The following SCAMP1 variants were observed in gnomAD, a reference collection of about 807,000 sequenced individuals.
SCAMP1 encodes the protein secretory carrier-associated membrane protein 1.
SCAMP1 carries 15 observed loss-of-function variants against 41.8 expected under a neutral mutation model. That is an observed-to-expected ratio of 0.36 (90% confidence interval 0.24 to 0.55). SCAMP1 has a LOEUF of 0.55. Among genes scored for constraint, SCAMP1 ranks in the 20% least tolerant of loss-of-function variants. The pLI is 0.86. For missense variants in SCAMP1, 341 were observed against 412.6 expected (o/e 0.83, Z 1.50); for synonymous variants, 135 against 136.8 (o/e 0.99, Z 0.09).
chr5:78,423,113 A>G (rs1752382046), intron 6 of SCAMP1, among the ~76,000 whole-genome samples: 1 of 152,196 alleles, frequency 6.6e-6, no homozygotes, highest in African/African-American at 2.4e-5. Flanking sequence ...AGGAGATGGG[A>G]GAACATTAGG....
At chr5:78,469,803 C>T (rs1045718282) in intron 8 of SCAMP1, among the ~76,000 whole-genome samples, 3 of 146,674 alleles carry the variant, frequency 2.0e-5, no homozygotes, top group African/African-American at 7.5e-5. Flanking sequence ...GTTTGGGGGG[C>T]CGAGGCAAGA....
intron 1 of SCAMP1, among the ~76,000 whole-genome samples, chr5:78,372,971 A>G (rs1750977080): frequency 1.3e-5 from 2 of 152,126 alleles, no homozygotes; most frequent in African/African-American, 2.4e-5. Flanking sequence ...AACTATTAAT[A>G]TAAGAAACAT....
chr5:78,407,680 T>A (rs559118299), intron 2 of SCAMP1, among the ~76,000 whole-genome samples: 1 of 152,074 alleles, frequency 6.6e-6, no homozygotes, highest in Admixed American at 6.5e-5. Flanking sequence ...ACCTTCTCAA[T>A]CATCATGTCT....
Position 78,364,144 on chromosome 5 carries a change from A to G in SCAMP1, c.57+3416A>G, listed in dbSNP as rs182075964. On this transcript the variant is annotated intron_variant, in intron 1 of 8. Coordinates refer to ENST00000621999, the MANE Select transcript of SCAMP1 (RefSeq NM_004866.6). ...AAGAAGTGTCTCTGTCCTTATGGCTATTAGTCTAACAGTGAGACAAATATG... is the reference window on the plus strand; with the variant it reads ...AAGAAGTGTCTCTGTCCTTATGGCTGTTAGTCTAACAGTGAGACAAATATG... Among the ~76,000 whole-genome samples the G allele has an allele frequency of 8.4e-4, 128 of 152,356 alleles. 2 individuals carry two copies. The South Asian group carries it at 0.023, about 27-fold the overall frequency.
chr5:78,422,433 T>G (rs1752360525), intron 6 of SCAMP1, among the ~76,000 whole-genome samples: 1 of 152,176 alleles, frequency 6.6e-6, no homozygotes, highest in East Asian at 1.9e-4. Context: ...TTAGGTTTTT[T>G]CAAAGGCAGC....
At chr5:78,404,022 A>G (rs1446212985) in intron 2 of SCAMP1, among the ~76,000 whole-genome samples, 3 of 145,162 alleles carry the variant, frequency 2.1e-5, no homozygotes, top group African/African-American at 7.5e-5. Context: ...CTCAGGAGGC[A>G]GAAGGATTGC....
chr5:78,400,426 G>A (rs1282707226), intron 2 of SCAMP1, among the ~76,000 whole-genome samples: 2 of 152,158 alleles, frequency 1.3e-5, no homozygotes, highest in East Asian at 3.9e-4. Context: ...TTTTGATTGG[G>A]ATTGCGTTGA....
chr5:78,408,280 C>T (rs1407492220), intron 2 of SCAMP1, among the ~76,000 whole-genome samples: 1 of 152,108 alleles, frequency 6.6e-6, no homozygotes, highest in East Asian at 1.9e-4. Flanking sequence ...ATAAAACCAT[C>T]AGGTATCATG....
intron 2 of SCAMP1, among the ~76,000 whole-genome samples, chr5:78,391,392 G>T (rs1319025141): frequency 1.3e-5 from 2 of 151,638 alleles, no homozygotes; most frequent in African/African-American, 4.8e-5. Context: ...GGACGGGGCG[G>T]CTGGCCTGGC....
chr5:78,451,938 A>C (rs997962329), intron 7 of SCAMP1, among the ~76,000 whole-genome samples: 31 of 152,326 alleles, frequency 2.0e-4, no homozygotes, highest in African/African-American at 7.5e-4. Context: ...TACAAGCGTG[A>C]GCTACCATGT....
chr5:78,439,191 A>G (rs912232641), intron 6 of SCAMP1, among the ~76,000 whole-genome samples: 1 of 152,186 alleles, frequency 6.6e-6, no homozygotes, highest in Non-Finnish European at 1.5e-5. Flanking sequence ...GTGTCTTTCA[A>G]CTGGGGCATT....
chr5:78,451,651 T>G (rs2112211757), intron 7 of SCAMP1, among the ~76,000 whole-genome samples: 1 of 151,654 alleles, frequency 6.6e-6, no homozygotes, highest in East Asian at 1.9e-4. Context: ...TATTCTAATT[T>G]GATTGATTGA....
chr5:78,417,149 A>G (rs952099156), intron 4 of SCAMP1, among the ~76,000 whole-genome samples: 1 of 152,208 alleles, frequency 6.6e-6, no homozygotes, highest in Non-Finnish European at 1.5e-5. Context: ...AGTGAATTCT[A>G]TTAAGTTTGT....
chr5:78,473,828 G>C (rs1321355277), intron 8 of SCAMP1, among the ~76,000 whole-genome samples: 1 of 152,086 alleles, frequency 6.6e-6, no homozygotes, highest in Admixed American at 6.5e-5. Context: ...CAAGGTTTCA[G>C]CTATCATTTA....
At chr5:78,441,409 G>T (rs1026229017) in intron 6 of SCAMP1, among the ~76,000 whole-genome samples, 1 of 152,144 alleles carries the variant, frequency 6.6e-6, no homozygotes, top group Non-Finnish European at 1.5e-5. Flanking sequence ...GAGTTTAGGG[G>T]GGAAAATGAT....
chr5:78,383,421 A>G (rs1172529326), intron 1 of SCAMP1, among the ~76,000 whole-genome samples: 2 of 152,032 alleles, frequency 1.3e-5, no homozygotes, highest in Non-Finnish European at 2.9e-5. Context: ...GCTGTGCACA[A>G]GCTTTTTAGT....
intron 6 of SCAMP1, among the ~76,000 whole-genome samples, chr5:78,444,172 T>C (rs556179054): frequency 8.5e-5 from 13 of 152,324 alleles, no homozygotes; most frequent in Non-Finnish European, 1.9e-4. Context: ...TTAGACAGTT[T>C]TGGAGCCCCC....
chr5:78,431,576 C>T (rs1260180017), intron 6 of SCAMP1, among the ~76,000 whole-genome samples: 1 of 128,754 alleles, frequency 7.8e-6, no homozygotes, highest in African/African-American at 3.1e-5. Context: ...CTGTTAATGA[C>T]TGTCTTCTCC....
intron 6 of SCAMP1, among the ~76,000 whole-genome samples, chr5:78,423,110 G>A (rs1019858917): frequency 4.6e-5 from 7 of 152,018 alleles, no homozygotes; most frequent in Admixed American, 1.3e-4. Flanking sequence ...AACAGGAGAT[G>A]GGAGAACATT....
Sources: allele counts gnomAD v4.1 joint callset (sites outside exome capture counted in the v4.1 genomes callset), GRCh38; gene constraint gnomAD v4.1.1; transcripts MANE v1.5; gene names NCBI Gene and HGNC (gene_info 2026-07-23, HGNC 2026-07-21).